The following ALG9 variants were observed in gnomAD, a reference collection of about 807,000 sequenced individuals.
ALG9 encodes the protein ALG9 alpha-1,2-mannosyltransferase.
In ALG9, 55 loss-of-function variants were observed where a neutral mutation model predicts 81.8. That is an observed-to-expected ratio of 0.67 (90% confidence interval 0.54 to 0.84). The LOEUF is 0.84. Ranked by LOEUF, ALG9 falls within the 40% of genes least tolerant of loss-of-function variation. The pLI is 0.00. For synonymous variants in ALG9, 278 were observed against 274.3 expected (o/e 1.01, Z -0.13); for missense variants, 629 against 745.0 (o/e 0.84, Z 1.81).
At chr11:111,809,497 G>T in intron 14 of ALG9, 146 bp downstream of exon 14, 1 of 931,598 alleles carries the variant, frequency 1.1e-6, no homozygotes, top group Non-Finnish European at 1.6e-6. Flanking sequence ...ACCAGCCTGG[G>T]CAACAGAGTG....
At chr11:111,852,872 G>A (rs1403279269) in intron 8 of ALG9, among the ~76,000 whole-genome samples, 1 of 151,282 alleles carries the variant, frequency 6.6e-6, no homozygotes, top group Non-Finnish European at 1.5e-5. Context: ...AACCCAGGAG[G>A]TGGAGGTTGC....
chr11:111,794,998 A>G (rs1555074008), intron 14 of ALG9, among the ~76,000 whole-genome samples: 1 of 152,240 alleles, frequency 6.6e-6, no homozygotes, highest in African/African-American at 2.4e-5. Flanking sequence ...AGTTTTTAAC[A>G]GGAAATGCGG....
At chr11:111,768,538 T>A in the ALG9 span, 1 of 152,106 alleles carries the variant, frequency 6.6e-6, no homozygotes. Context: ...GGTGGGAGGA[T>A]CACTTGAGCC....
At chr11:111,798,419 C>T (rs978757917) in intron 14 of ALG9, among the ~76,000 whole-genome samples, 11 of 152,060 alleles carry the variant, frequency 7.2e-5, no homozygotes, top group African/African-American at 2.7e-4. Flanking sequence ...GCATTTCCCA[C>T]CAGACTCCCA....
In ALG9 at chr11:111,847,824, G is replaced by C. The variant is rs544374942; in HGVS notation, c.896-3101C>G. Among the ~76,000 whole-genome samples the C allele has an allele frequency of 4.6e-5, 7 of 152,254 alleles. No individual in the cohort carries two copies. In the East Asian group the frequency reaches 1.2e-3, roughly 25 times the overall value. On this transcript the variant is annotated intron_variant, in intron 8 of 14. Transcript: ENST00000616540. ...AAAAGGAGAACTTGCCAGTGTGCAC[G>C]TCACTCTGCCACTCAAGCTCGCTAG...
At chr11:111,870,072 A>G (rs1038884104) in intron 2 of ALG9, among the ~76,000 whole-genome samples, 160 bp downstream of exon 2, 1 of 151,058 alleles carries the variant, frequency 6.6e-6, no homozygotes, top group Non-Finnish European at 1.5e-5. Context: ...TCAGCCTCCC[A>G]AAGTGCTGGG....
intron 13 of ALG9, among the ~76,000 whole-genome samples, chr11:111,819,853 G>A (rs1365591689): frequency 1.3e-5 from 2 of 152,130 alleles, no homozygotes; most frequent in East Asian, 1.9e-4. Context: ...ACAGTACCTG[G>A]CATATCTCAG....
the ALG9 span, among the ~76,000 whole-genome samples, chr11:111,776,158 T>A: frequency 5.9e-5 from 9 of 151,960 alleles, no homozygotes; most frequent in East Asian, 1.5e-3. Flanking sequence ...AGTTTGAGGC[T>A]CACTGCAAAA....
chr11:111,860,716 A>G, intron 4 of ALG9, 81 bp from the exon 5 acceptor site: 2 of 1,040,888 alleles, frequency 1.9e-6, no homozygotes, highest in South Asian at 2.9e-5. Context: ...CACGTACCAC[A>G]GATAACACTG....
At chr11:111,840,342 T>C (rs1003836892) in intron 10 of ALG9, among the ~76,000 whole-genome samples, 2 of 152,180 alleles carry the variant, frequency 1.3e-5, no homozygotes, top group Non-Finnish European at 2.9e-5. Context: ...AGTTTTGTTA[T>C]GATCTAGCAG....
chr11:111,866,037 G>T (rs975351782), intron 3 of ALG9, among the ~76,000 whole-genome samples: 10 of 152,182 alleles, frequency 6.6e-5, no homozygotes, highest in Non-Finnish European at 1.2e-4. Flanking sequence ...GCTCACACTT[G>T]TAATTCCAAC....
intron 14 of ALG9, among the ~76,000 whole-genome samples, chr11:111,791,998 G>A (rs967627865): frequency 6.6e-5 from 10 of 152,210 alleles, no homozygotes; most frequent in Admixed American, 5.2e-4. Flanking sequence ...CAGGAGAATC[G>A]GTTGAACCCG....
At chr11:111,821,385 C>T (rs1555103511) in intron 13 of ALG9, among the ~76,000 whole-genome samples, 3 of 152,146 alleles carry the variant, frequency 2.0e-5, no homozygotes, top group Non-Finnish European at 4.4e-5. Context: ...GGAGATCATC[C>T]CCAACCCCTG....
At chr11:111,815,456 A>G (rs1188523801) in intron 13 of ALG9, among the ~76,000 whole-genome samples, 3 of 152,314 alleles carry the variant, frequency 2.0e-5, no homozygotes, top group Non-Finnish European at 2.9e-5. Flanking sequence ...TCAAGAGGAT[A>G]ATCCATTAGA....
At chr11:111,836,402 A>G in intron 12 of ALG9, 108 bp from the exon 13 acceptor site, 1 of 1,450,280 alleles carries the variant, frequency 6.9e-7, no homozygotes, top group Admixed American at 1.8e-5. Context: ...TCTCTTGAAG[A>G]AAAAATATTT....
At chr11:111,864,880 T>C (rs1961764936) in intron 4 of ALG9, among the ~76,000 whole-genome samples, 1 of 152,046 alleles carries the variant, frequency 6.6e-6, no homozygotes, top group Non-Finnish European at 1.5e-5. Context: ...CAAGTTCAAG[T>C]GACTCTCCTG....
At chr11:111,777,282 G>T (rs1945731481), downstream of ALG9, among the ~76,000 whole-genome samples, 2 of 152,208 alleles carry the variant, frequency 1.3e-5, no homozygotes, top group African/African-American at 4.8e-5. Flanking sequence ...CCCTTGGTTA[G>T]TTACGGACAT....
At chr11:111,787,236 G>A (rs1946611803) in intron 14 of ALG9, among the ~76,000 whole-genome samples, 1 of 151,940 alleles carries the variant, frequency 6.6e-6, no homozygotes, top group South Asian at 2.1e-4. Flanking sequence ...TTCGAGACCA[G>A]CCAGACCAAC....
rs1946097272 is a variant in ALG9, at chr11:111,783,163, A to T, written c.*3234T>A. The T allele has an allele frequency of 6.6e-6, 1 of 152,240 alleles. No individual in the cohort carries two copies. The highest frequency in any genetic ancestry group is 1.9e-4 in the East Asian group (1 of 5,194). The allele number at this position is 152,240 out of a possible 1,614,324, so 9.4% of individuals were successfully genotyped here. A position where few individuals can be genotyped will look rare whatever the true frequency, so the allele number is the denominator to read the frequency against. ...ACTCACCCCATGATCAAAGGCTATT[A>T]AAAATTATCTGGGCCGGGTGCGGTG... On this transcript the variant is annotated 3_prime_UTR_variant, in exon 15 of 15. Coordinates refer to ENST00000616540, the MANE Select transcript of ALG9 (RefSeq NM_024740.2).
Sources: gnomAD v4.1 joint callset for allele counts (sites outside exome capture counted in the v4.1 genomes callset) on GRCh38, gnomAD v4.1.1 for gene constraint, MANE v1.5 for transcripts, NCBI Gene and HGNC (gene_info 2026-07-23, HGNC 2026-07-21) for gene names.